Variants in SEMA6D observed in about 807,000 individuals in gnomAD.
SEMA6D encodes semaphorin-6D.
SEMA6D carries 35 observed loss-of-function variants against 106.6 expected under a neutral mutation model. The observed-to-expected ratio is 0.33, with a 90% CI of 0.25 to 0.44. The LOEUF is 0.44. SEMA6D is among the 20% of genes least tolerant of loss of function. The probability of loss-of-function intolerance (pLI) is 1.00; values close to 1 mark genes in which losing one functional copy is unlikely to be tolerated. For synonymous variants in SEMA6D, 499 were observed against 487.7 expected (o/e 1.02, Z -0.31); for missense variants, 1,185 against 1,345.9 (o/e 0.88, Z 1.87).
chr15:47,543,446 T>C (rs906462367), intron 3 of SEMA6D, among the ~76,000 whole-genome samples: 1 of 152,166 alleles, frequency 6.6e-6, no homozygotes, highest in African/African-American at 2.4e-5. Context: ...ATGTAAGATG[T>C]GACTTTGCTC....
intron 4 of SEMA6D, among the ~76,000 whole-genome samples, chr15:47,639,508 C>A (rs550061984): frequency 3.0e-4 from 46 of 152,298 alleles, no homozygotes; most frequent in African/African-American, 1.0e-3. Flanking sequence ...GAAAGAATAA[C>A]TCCTCAGTCC....
intron 4 of SEMA6D, chr15:47,605,341 A>G (rs1286598915): frequency 1.3e-5 from 2 of 152,214 alleles, no homozygotes; most frequent in African/African-American, 2.4e-5. Context: ...GATTTCTTCC[A>G]CAATGAGTGA....
At chr15:47,438,438 A>T (rs2041788079) in intron 2 of SEMA6D, among the ~76,000 whole-genome samples, 1 of 152,088 alleles carries the variant, frequency 6.6e-6, no homozygotes, top group Non-Finnish European at 1.5e-5. Context: ...CACCTTGCAC[A>T]CAGTAAAAGC....
chr15:47,551,261 G>A (rs1367669337), intron 3 of SEMA6D, among the ~76,000 whole-genome samples: 1 of 152,064 alleles, frequency 6.6e-6, no homozygotes, highest in African/African-American at 2.4e-5. Flanking sequence ...TGCATTGCTT[G>A]GCCAGCTGGG....
intron 1 of SEMA6D, among the ~76,000 whole-genome samples, chr15:47,242,980 T>TA (rs1291786693): frequency 6.6e-6 from 1 of 152,178 alleles, no homozygotes; most frequent in African/African-American, 2.4e-5. Context: ...GAGGATGTAC[T>TA]AGCTCTATAT....
rs1236803310 is a variant in SEMA6D at position 47,717,794 on chromosome 15, TGC to T, written c.-55+108_-55+109del. 317 of 132,904 alleles carry T rather than the reference TGC, an allele frequency of 2.4e-3. 14 individuals are homozygous for T. Among genetic ancestry groups the T allele is most frequent in the South Asian group, 0.018 (65 of 3,658 alleles). 8.2% of individuals were successfully genotyped at this position (132,904 alleles called of 1,614,324 possible). A position where few individuals can be genotyped will look rare whatever the true frequency, so the allele number is the denominator to read the frequency against. On this transcript the variant is annotated intron_variant, in intron 1 of 18. Transcript: ENST00000536845. ...GTGTGTGTGTGTGTGTGTGTGTGTG[TGC>T]GCGCGGTGGGGGTCGGAACCTGAGA...
At chr15:47,696,432 G>A (rs62000834) in intron 4 of SEMA6D, among the ~76,000 whole-genome samples, 8,253 of 152,278 alleles carry the variant, frequency 0.054, 384 homozygotes, top group Non-Finnish European at 0.084. Context: ...TTCAGGGACT[G>A]CAAGTCTCAG....
chr15:47,478,137 A>G (rs2043050686), intron 3 of SEMA6D, among the ~76,000 whole-genome samples: 1 of 151,674 alleles, frequency 6.6e-6, no homozygotes, highest in Non-Finnish European at 1.5e-5. Flanking sequence ...TAACCACTAT[A>G]GAGGGAATGC....
intron 1 of SEMA6D, among the ~76,000 whole-genome samples, chr15:47,319,979 A>T (rs2036860386): frequency 6.6e-6 from 1 of 152,096 alleles, no homozygotes; most frequent in South Asian, 2.1e-4. Flanking sequence ...TCTCTAAGTC[A>T]CAACTCCCTG....
chr15:47,566,601 A>G (rs1052096988), intron 3 of SEMA6D, among the ~76,000 whole-genome samples: 6 of 152,230 alleles, frequency 3.9e-5, no homozygotes, highest in African/African-American at 1.4e-4. Flanking sequence ...CTTTATGCTA[A>G]GTGGGAACTC....
At chr15:47,505,001 A>T (rs1212833430) in intron 3 of SEMA6D, among the ~76,000 whole-genome samples, 1 of 151,974 alleles carries the variant, frequency 6.6e-6, no homozygotes, top group African/African-American at 2.4e-5. Context: ...GCCTGGAGAG[A>T]CTCGGGCCAC....
chr15:47,230,709 A>G (rs2032128501), intron 1 of SEMA6D, among the ~76,000 whole-genome samples: 1 of 151,990 alleles, frequency 6.6e-6, no homozygotes, highest in Non-Finnish European at 1.5e-5. Flanking sequence ...TAATAAATGC[A>G]CATTCTTAGG....
chr15:47,391,999 C>T (rs4404005), intron 1 of SEMA6D, among the ~76,000 whole-genome samples: 74,353 of 151,840 alleles, frequency 0.49, 21,173 homozygotes, highest in African/African-American at 0.8. Context: ...AACACCCACC[C>T]CCTTTGCCAT....
intron 3 of SEMA6D, among the ~76,000 whole-genome samples, chr15:47,532,161 A>G (rs908013480): frequency 6.6e-6 from 1 of 152,214 alleles, no homozygotes; most frequent in South Asian, 2.1e-4. Flanking sequence ...TGTAATGGTC[A>G]TAAATATATT....
intron 3 of SEMA6D, among the ~76,000 whole-genome samples, chr15:47,505,451 T>C (rs1203688961): frequency 6.6e-6 from 1 of 152,198 alleles, no homozygotes; most frequent in Admixed American, 6.5e-5. Context: ...TAAACACCAA[T>C]GTCCTACATA....
chr15:47,436,132 G>GT (rs1431541808), intron 2 of SEMA6D, among the ~76,000 whole-genome samples: 1 of 152,134 alleles, frequency 6.6e-6, no homozygotes, highest in Non-Finnish European at 1.5e-5. Context: ...GCTCATGCCT[G>GT]TAATTCCAAA....
chr15:47,267,389 A>T, intron 1 of SEMA6D, among the ~76,000 whole-genome samples: 1 of 151,304 alleles, frequency 6.6e-6, no homozygotes, highest in South Asian at 2.1e-4. Flanking sequence ...TAAGTAACTT[A>T]TTAAGGATAT....
At chr15:47,430,564 A>G (rs2041489847) in intron 2 of SEMA6D, among the ~76,000 whole-genome samples, 1 of 152,092 alleles carries the variant, frequency 6.6e-6, no homozygotes, top group Admixed American at 6.6e-5. Context: ...CTGGGTGGCA[A>G]GTCACATTGT....
chr15:47,754,361 A>G (rs2081602043), intron 1 of SEMA6D, among the ~76,000 whole-genome samples: 1 of 152,132 alleles, frequency 6.6e-6, no homozygotes, highest in South Asian at 2.1e-4. Context: ...CTGAGTTTTT[A>G]TTTGTCTAAA....
Sources: gnomAD v4.1 joint callset for allele counts (sites outside exome capture counted in the v4.1 genomes callset) on GRCh38, gnomAD v4.1.1 for gene constraint, MANE v1.5 for transcripts, NCBI Gene and HGNC (gene_info 2026-07-23, HGNC 2026-07-21) for gene names.